GALNT15: variants seen among roughly 807,000 people sequenced by gnomAD.
GALNT15 encodes UDP-GalNAc transferase T15.
A neutral mutation model predicts 66.8 loss-of-function variants in GALNT15; 67 were observed. The ratio of observed to expected loss-of-function variants is 1.00; its 90% CI spans 0.82 to 1.23. The LOEUF is 1.23. GALNT15 is among the 50% of genes most tolerant of loss of function. The pLI, the probability that GALNT15 is intolerant of heterozygous loss-of-function variation, is 0.00. For missense variants in GALNT15, 827 were observed against 804.3 expected, an observed-to-expected ratio of 1.03 and a Z score of -0.34; for synonymous variants, 313 against 311.5, an observed-to-expected ratio of 1.00 and a Z score of -0.05.
At chr3:16,205,215 C>A (rs1210728949) in intron 3 of GALNT15, among the ~76,000 whole-genome samples, 1 of 152,218 alleles carries the variant, frequency 6.6e-6, no homozygotes, top group African/African-American at 2.4e-5. Context: ...AAGAGACTTT[C>A]CACAAACACC....
chr3:16,234,702 A>G (rs1437454516), downstream of GALNT15, among the ~76,000 whole-genome samples: 1 of 152,184 alleles, frequency 6.6e-6, no homozygotes, highest in Non-Finnish European at 1.5e-5. Context: ...CCAAACACAC[A>G]TGGCTTGTCC....
chr3:16,239,712 C>G, the GALNT15 span, among the ~76,000 whole-genome samples: 6 of 152,158 alleles, frequency 3.9e-5, no homozygotes, highest in Non-Finnish European at 5.9e-5. This position sits in a 1 kb window ranked among gnomAD's most constrained non-coding sequence, Gnocchi z 5.2. Flanking sequence ...AACTCTTTCA[C>G]TTTATTCTTG....
chr3:16,211,229 A>T lies in GALNT15; in HGVS notation c.1185A>T (p.Glu395Asp), dbSNP rs1203839850. The stretch of plus-strand genomic sequence containing the variant: ...CGCTGCGAGGTGGTGAAAACCTCGA[A>T]CTGTCTTTCAAGGTATGTCCTGGAC... ...LMSLRGGENL[E>D]LSFKAWLCGG... The change falls in exon 5 of 10, where the codon GAA (glutamate) becomes GAT (aspartate). Residue 395 changes from glutamate (E) to aspartate (D), a missense_variant. Transcript: ENST00000339732. The surrounding 1 kb of genome is among the most constrained non-coding windows in gnomAD (Gnocchi z 4.3). 6.2e-7 allele frequency: 1 copy of T among 1,610,152 alleles called. No individual in the cohort carries two copies. The highest frequency in any genetic ancestry group is 8.5e-7 in the Non-Finnish European group (1 of 1,176,408).
rs1018753031 is a variant in GALNT15, at chr3:16,219,223, C to T, written c.1393-180C>T. On this transcript the variant is annotated intron_variant, in intron 6 of 9. Coordinates refer to ENST00000339732, the MANE Select transcript of GALNT15 (RefSeq NM_054110.5). This position sits in a 1 kb window ranked among gnomAD's most constrained non-coding sequence, Gnocchi z 4.3. ...AGGGAAGATCTGTGCTATTCTATCCCTTCCAGACCTTCTTCTCCCAACACA... is the reference window on the plus strand; with the variant it reads ...AGGGAAGATCTGTGCTATTCTATCCTTTCCAGACCTTCTTCTCCCAACACA... Among the ~76,000 whole-genome samples the T allele has an allele frequency of 1.3e-5, 2 of 152,144 alleles. No individual in the cohort carries two copies. Among genetic ancestry groups the T allele is most frequent in the Non-Finnish European group, 2.9e-5 (2 of 68,040 alleles).
rs1199746860 is a variant in GALNT15, at chr3:16,204,949, G to T, written c.912-3554G>T. ...AGTGTGGGGGGGAGCGAGCATGTGC[G>T]TGCGTGTGTGTGTGCGCGCGCATGT... On this transcript the variant is annotated intron_variant, in intron 3 of 9. Transcript: ENST00000339732. This position sits in a 1 kb window ranked among gnomAD's most constrained non-coding sequence, Gnocchi z 4.5. 6.6e-6 allele frequency among the ~76,000 whole-genome samples: 1 copy of T among 152,182 alleles called. No individual in the cohort carries two copies. The highest frequency in any genetic ancestry group is 1.5e-5 in the Non-Finnish European group (1 of 68,026).
downstream of GALNT15, among the ~76,000 whole-genome samples, chr3:16,232,508 ATATT>A (rs1351698318): frequency 2.5e-4 from 20 of 78,586 alleles, no homozygotes; most frequent in African/African-American, 8.6e-4. Context: ...ATATATATAT[ATATT>A]TATTTAAAAG....
At chr3:16,240,392 A>G in the GALNT15 span, among the ~76,000 whole-genome samples, 2 of 152,230 alleles carry the variant, frequency 1.3e-5, no homozygotes, top group Non-Finnish European at 1.5e-5. Flanking sequence ...CATGAATCAG[A>G]AAATTGCAAA....
At position 16,228,367 on chromosome 3, in the gene GALNT15, G is replaced by A. The variant is rs987752473; in HGVS notation, c.*867G>A. 18 of 984,504 alleles carry A rather than the reference G, an allele frequency of 1.8e-5. No homozygotes were observed. The highest frequency in any genetic ancestry group is 6.2e-5 in the Admixed American group (1 of 16,254). 61.0% of individuals were successfully genotyped at this position (984,504 alleles called of 1,614,324 possible). A position where few individuals can be genotyped will look rare whatever the true frequency, so the allele number is the denominator to read the frequency against. On this transcript the variant is annotated 3_prime_UTR_variant, in exon 10 of 10. Transcript: ENST00000339732. ...CAGTTGAGAAACTCTCCTGCCGGGCGCGGTGGCTCATGCCTGTAATTCCAG... is the reference window on the plus strand; with the variant it reads ...CAGTTGAGAAACTCTCCTGCCGGGCACGGTGGCTCATGCCTGTAATTCCAG...
At chr3:16,244,879 T>G in the GALNT15 span, among the ~76,000 whole-genome samples, 1 of 152,184 alleles carries the variant, frequency 6.6e-6, no homozygotes, top group Non-Finnish European at 1.5e-5. Context: ...AAACCTCTGG[T>G]GCCTGTATCA....
the GALNT15 span, among the ~76,000 whole-genome samples, chr3:16,244,456 C>G: frequency 6.6e-6 from 1 of 152,228 alleles, no homozygotes; most frequent in African/African-American, 2.4e-5. Context: ...TAGAGAGCAA[C>G]AGGATTTGTG....
the GALNT15 span, among the ~76,000 whole-genome samples, chr3:16,239,323 G>A: frequency 3.2e-4 from 49 of 152,216 alleles, no homozygotes; most frequent in East Asian, 9.1e-3. The surrounding 1 kb of genome is among the most constrained non-coding windows in gnomAD (Gnocchi z 5.2). Context: ...CCAGGAAGTG[G>A]GAAGTTGGCA....
chr3:16,204,861 T>G lies in GALNT15; in HGVS notation c.912-3642T>G, dbSNP rs2063740287. 6.6e-6 allele frequency among the ~76,000 whole-genome samples: 1 copy of G among 152,092 alleles called. No homozygotes were observed. The highest frequency in any genetic ancestry group is 1.5e-5 in the Non-Finnish European group (1 of 67,998). On this transcript the variant is annotated intron_variant, in intron 3 of 9. Coordinates refer to ENST00000339732, the MANE Select transcript of GALNT15 (RefSeq NM_054110.5). This position sits in a 1 kb window ranked among gnomAD's most constrained non-coding sequence, Gnocchi z 4.5. Reference sequence around the variant, plus strand: ...TGAAGGGTTAAATGATGGAAAGCAGTGTAAGAACCCCTTGTGCTTGTGCAT... The same window carrying G: ...TGAAGGGTTAAATGATGGAAAGCAGGGTAAGAACCCCTTGTGCTTGTGCAT...
At position 16,200,725 on chromosome 3, in the gene GALNT15, C is replaced by T; in HGVS notation, c.813C>T (p.Ala271=). 1.9e-6 allele frequency: 3 copies of T among 1,612,128 alleles called. No homozygotes were observed. Among genetic ancestry groups the T allele is most frequent in the Non-Finnish European group, 2.5e-6 (3 of 1,179,180 alleles). ...LGAIRARMLG[A]TRATGDVLVF... Reference sequence around the variant, plus strand: ...CCATCAGGGCCCGGATGCTGGGGGCCACCAGAGCCACCGGGGATGTGCTCG... The same window carrying T: ...CCATCAGGGCCCGGATGCTGGGGGCTACCAGAGCCACCGGGGATGTGCTCG... The change falls in exon 3 of 10, where the codon GCC becomes GCT. Residue 271 remains alanine (A), a synonymous_variant. Coordinates refer to ENST00000339732, the MANE Select transcript of GALNT15 (RefSeq NM_054110.5). The surrounding 1 kb of genome is among the most constrained non-coding windows in gnomAD (Gnocchi z 4.4).
Position 16,212,747 on chromosome 3 carries a change from C to A in GALNT15, c.1376C>A (p.Ala459Asp). The A allele has an allele frequency of 6.2e-7, 1 of 1,613,290 alleles. No individual in the cohort carries two copies. Residue 459 changes from alanine to aspartate, a missense_variant, in exon 6 of 10, where the codon GCC becomes GAC. Transcript: ENST00000339732. ...ACCTTCTACAAGCATAGCCCAGAGG[C>A]CTTCTCCTTGAGCAAGGTAAGGAGA... is the stretch of plus-strand genomic sequence containing the variant. Reference protein sequence around the residue: ...KETFYKHSPEAFSLSKAEKPD... With the variant: ...KETFYKHSPEDFSLSKAEKPD...
chr3:16,186,251 T>C lies in GALNT15; in HGVS notation c.540-9509T>C, dbSNP rs1048327787. ...AAATCAAAACCACAATGAGATGACA[T>C]TTTACCCCCACTAGGATGGCTGAAG... On this transcript the variant is annotated intron_variant, in intron 1 of 9. Coordinates refer to ENST00000339732, the MANE Select transcript of GALNT15 (RefSeq NM_054110.5). This position sits in a 1 kb window ranked among gnomAD's most constrained non-coding sequence, Gnocchi z 5.1. Among the ~76,000 whole-genome samples the C allele has an allele frequency of 6.6e-6, 1 of 152,160 alleles. No individual in the cohort carries two copies. The highest frequency in any genetic ancestry group is 2.4e-5 in the African/African-American group (1 of 41,448).
At chr3:16,237,504 T>G in the GALNT15 span, among the ~76,000 whole-genome samples, 1 of 152,228 alleles carries the variant, frequency 6.6e-6, no homozygotes, top group Non-Finnish European at 1.5e-5. The surrounding 1 kb of genome is among the most constrained non-coding windows in gnomAD (Gnocchi z 4.2). Flanking sequence ...CTTTGCATTC[T>G]GTTGCTCTAC....
chr3:16,220,441 G>A (rs751299512), intron 8 of GALNT15, among the ~76,000 whole-genome samples: 6 of 152,164 alleles, frequency 3.9e-5, no homozygotes, highest in Non-Finnish European at 8.8e-5. Flanking sequence ...CCAGCCTCCA[G>A]CACCATTTGG....
Position 16,207,544 on chromosome 3 carries a change from TTG to T in GALNT15, c.912-958_912-957del, listed in dbSNP as rs2063770490. Among the ~76,000 whole-genome samples the T allele has an allele frequency of 1.1e-3, 4 of 3,680 alleles. 1 individual carries two copies. Among genetic ancestry groups the T allele is most frequent in the Admixed American group, 3.0e-3 (1 of 336 alleles). The allele number at this position is 3,680 out of a possible 152,430, so 2.4% of individuals were successfully genotyped here. ...AAAAAAAAAAAAAAAAAAAAAAAAA[TTG>T]GGCCTAAAATTCCCCACCATTACCG... On this transcript the variant is annotated intron_variant, in intron 3 of 9. Transcript: ENST00000339732.
chr3:16,228,859 C>T lies in GALNT15; in HGVS notation c.*1359C>T. 4 of 985,392 alleles carry T rather than the reference C, an allele frequency of 4.1e-6. No homozygotes were observed. The highest frequency in any genetic ancestry group is 4.8e-6 in the Non-Finnish European group (4 of 829,936). 61.0% of individuals were successfully genotyped at this position (985,392 alleles called of 1,614,324 possible). ...AGCCCATATAACTGTCTGGAACCCC[C>T]AAATGTGTCCACAGGTTGAATGTCC... On this transcript the variant is annotated 3_prime_UTR_variant, in exon 10 of 10. Coordinates refer to ENST00000339732, the MANE Select transcript of GALNT15 (RefSeq NM_054110.5).
Sources: allele counts gnomAD v4.1 joint callset (sites outside exome capture counted in the v4.1 genomes callset), GRCh38; gene constraint gnomAD v4.1.1; non-coding constraint Gnocchi (gnomAD v3.1); transcripts MANE v1.5; gene names NCBI Gene and HGNC (gene_info 2026-07-23, HGNC 2026-07-21).